The following LTAP1 variants were observed in gnomAD, a reference collection of about 807,000 sequenced individuals.
The protein encoded by LTAP1 is HCV NS5A-transactivated protein 4.
At chr1:154,207,306 G>A in the LTAP1 span, 2 of 711,570 alleles carry the variant, frequency 2.8e-6, no homozygotes, top group East Asian at 2.6e-5. Context: ...TTAGACACAA[G>A]CTCTAAGAAC....
chr1:154,214,486 A>C, the LTAP1 span: 4 of 1,613,860 alleles, frequency 2.5e-6, no homozygotes, highest in Non-Finnish European at 3.4e-6. Flanking sequence ...CAGTTGTAGT[A>C]GTCTAGCATC....
chr1:154,211,324 C>CTTTT, the LTAP1 span, among the ~76,000 whole-genome samples: 204 of 34,054 alleles, frequency 6.0e-3, 15 homozygotes, highest in African/African-American at 0.011. Flanking sequence ...TTATTTAATT[C>CTTTT]TTTTTTTTTT....
the LTAP1 span, among the ~76,000 whole-genome samples, chr1:154,211,403 C>T: frequency 8.9e-6 from 1 of 112,886 alleles, no homozygotes; most frequent in African/African-American, 3.4e-5. Context: ...GTGGCGTGAT[C>T]TCAGCTCACT....
At chr1:154,213,847 G>A in the LTAP1 span, 1 of 1,528,848 alleles carries the variant, frequency 6.5e-7, no homozygotes. Flanking sequence ...TGTTCCCTAG[G>A]TGGGCTTTCA....
the LTAP1 span, chr1:154,212,146 T>C: frequency 2.7e-6 from 2 of 731,472 alleles, no homozygotes; most frequent in South Asian, 3.2e-5. Context: ...CGTGAACCAC[T>C]GTGCCCGGCC....
At chr1:154,220,260 A>C in the LTAP1 span, 1 of 1,516,802 alleles carries the variant, frequency 6.6e-7, no homozygotes, top group South Asian at 1.1e-5. Flanking sequence ...TGGGTGGAGA[A>C]TGCAGACGGG....
chr1:154,210,801 T>C, the LTAP1 span, among the ~76,000 whole-genome samples: 1 of 151,240 alleles, frequency 6.6e-6, no homozygotes, highest in South Asian at 2.1e-4. Context: ...AGATTGGCTT[T>C]CCTTTCTCGC....
the LTAP1 span, among the ~76,000 whole-genome samples, chr1:154,211,282 C>T: frequency 5.9e-5 from 8 of 136,548 alleles, no homozygotes; most frequent in Admixed American, 5.3e-4. Context: ...GGATTATAGG[C>T]GTGAGCCACC....
the LTAP1 span, chr1:154,212,582 A>G: frequency 6.2e-7 from 1 of 1,614,204 alleles, no homozygotes; most frequent in Non-Finnish European, 8.5e-7. Context: ...ATTCTTGCCC[A>G]TTAAGGAACG....
chr1:154,218,921 C>T, the LTAP1 span, among the ~76,000 whole-genome samples: 2 of 152,162 alleles, frequency 1.3e-5, no homozygotes, highest in African/African-American at 4.8e-5. Context: ...AATAAGCATT[C>T]CTTTTTTGGA....
At chr1:154,207,381 G>A in the LTAP1 span, 7 of 1,460,814 alleles carry the variant, frequency 4.8e-6, no homozygotes, top group South Asian at 3.5e-5. Flanking sequence ...TTCCGAGGGC[G>A]GCCCGGCAAG....
chr1:154,207,970 G>A, the LTAP1 span, among the ~76,000 whole-genome samples: 2 of 151,932 alleles, frequency 1.3e-5, no homozygotes, highest in Admixed American at 6.6e-5. Context: ...GAGTGGTGGC[G>A]GGTGCCTGTA....
the LTAP1 span, among the ~76,000 whole-genome samples, chr1:154,209,842 G>C: frequency 6.6e-6 from 1 of 151,466 alleles, no homozygotes; most frequent in East Asian, 1.9e-4. Context: ...CGCCCGCCTC[G>C]GCCTCTCCAA....
At chr1:154,212,468 T>C in the LTAP1 span, 3 of 1,614,150 alleles carry the variant, frequency 1.9e-6, no homozygotes, top group Admixed American at 1.7e-5. Context: ...CCCTGTCCCA[T>C]AGCGGGCTGT....
Sources: allele counts gnomAD v4.1 joint callset (sites outside exome capture counted in the v4.1 genomes callset), GRCh38; gene constraint gnomAD v4.1.1; transcripts MANE v1.5; gene names NCBI Gene and HGNC (gene_info 2026-07-23, HGNC 2026-07-21).